The following GABBR2 variants were observed in gnomAD, a reference collection of about 807,000 sequenced individuals.
The protein encoded by GABBR2 is G-protein coupled receptor 51.
In GABBR2, 23 loss-of-function variants were observed where a neutral mutation model predicts 105.6. That is an observed-to-expected ratio of 0.22 (90% CI 0.16 to 0.31). The LOEUF is 0.31. Ranked by LOEUF, GABBR2 falls within the 10% of genes least tolerant of loss-of-function variation. The pLI is 1.00. For missense variants in GABBR2, 734 were observed against 1,245.5 expected, an observed-to-expected ratio of 0.59 and a Z score of 6.18; for synonymous variants, 478 against 499.7, an observed-to-expected ratio of 0.96 and a Z score of 0.58.
intron 12 of GABBR2, among the ~76,000 whole-genome samples, chr9:98,367,178 C>T (rs10818825): frequency 0.37 from 54,352 of 146,966 alleles, 11,787 homozygotes; most frequent in African/African-American, 0.63. Flanking sequence ...GGAGGGCAAG[C>T]CATCATGGAT....
intron 13 of GABBR2, among the ~76,000 whole-genome samples, chr9:98,333,173 CCTT>C (rs1255953502): frequency 1.3e-5 from 2 of 152,114 alleles, no homozygotes; most frequent in Non-Finnish European, 2.9e-5. Flanking sequence ...TGAGGGCTAA[CCTT>C]CATCAAGTGC....
At position 98,546,819 on chromosome 9, in the gene GABBR2, C is replaced by T. The variant is rs1316500425; in HGVS notation, c.460-4776G>A. On this transcript the variant is annotated intron_variant, in intron 2 of 18. Transcript: ENST00000259455. The stretch of plus-strand genomic sequence containing the variant: ...CCCTTTTTTTGTTTCCTTTTGTTCC[C>T]GCTGGTTTTCAACTTTGTATCTATT... 5.2e-5 allele frequency among the ~76,000 whole-genome samples: 3 copies of T among 57,514 alleles called. 1 individual carries two copies. The highest frequency in any genetic ancestry group is 9.2e-5 in the Non-Finnish European group (2 of 21,836). The allele number at this position is 57,514 out of a possible 152,430, so 37.7% of individuals were successfully genotyped here.
chr9:98,573,947 T>C (rs1232095863), intron 2 of GABBR2, among the ~76,000 whole-genome samples: 2 of 152,168 alleles, frequency 1.3e-5, no homozygotes, highest in Non-Finnish European at 1.5e-5. Flanking sequence ...TCACCCCCTA[T>C]TGGGAATGCA....
intron 11 of GABBR2, 122 bp from the exon 12 acceptor site, chr9:98,371,693 T>C: frequency 1.6e-6 from 1 of 626,564 alleles, no homozygotes; most frequent in Non-Finnish European, 2.9e-6. Context: ...CTGCATATAG[T>C]TGAGTTTCAT....
intron 1 of GABBR2, among the ~76,000 whole-genome samples, chr9:98,592,410 A>T (rs1344493569): frequency 6.6e-6 from 1 of 152,212 alleles, no homozygotes; most frequent in Non-Finnish European, 1.5e-5. Context: ...CTTTTTACGC[A>T]TTAGCCCACT....
chr9:98,629,579 CCTT>C (rs1332229573), intron 1 of GABBR2, among the ~76,000 whole-genome samples: 1 of 152,218 alleles, frequency 6.6e-6, no homozygotes, highest in Non-Finnish European at 1.5e-5. Context: ...GCATTCAACT[CCTT>C]CTTACATTTT....
At chr9:98,381,920 C>T (rs752961275) in intron 11 of GABBR2, among the ~76,000 whole-genome samples, 5 of 152,112 alleles carry the variant, frequency 3.3e-5, no homozygotes, top group Non-Finnish European at 7.4e-5. Context: ...GGGGGATGTC[C>T]CTGTTTTTGC....
intron 1 of GABBR2, among the ~76,000 whole-genome samples, chr9:98,642,982 C>A (rs1185369303): frequency 6.6e-6 from 1 of 152,216 alleles, no homozygotes. Context: ...CATAAGCATT[C>A]TTCCAGGCTG....
intron 1 of GABBR2, among the ~76,000 whole-genome samples, chr9:98,606,617 A>AGGC (rs1829426190): frequency 6.6e-6 from 1 of 150,830 alleles, no homozygotes; most frequent in African/African-American, 2.4e-5. Flanking sequence ...AGTAGCTGGG[A>AGGC]TTACAGGCAT....
chr9:98,630,368 G>A (rs1829800183), intron 1 of GABBR2, among the ~76,000 whole-genome samples: 1 of 152,188 alleles, frequency 6.6e-6, no homozygotes, highest in Non-Finnish European at 1.5e-5. Context: ...TTGGCAGGGA[G>A]GTGGTGTTAT....
intron 7 of GABBR2, among the ~76,000 whole-genome samples, chr9:98,436,893 G>A (rs1825936451): frequency 6.6e-6 from 1 of 152,098 alleles, no homozygotes; most frequent in Non-Finnish European, 1.5e-5. Flanking sequence ...GGCTAAATCT[G>A]CTAATAACAG....
chr9:98,309,523 T>G (rs1830604417), intron 14 of GABBR2, among the ~76,000 whole-genome samples: 1 of 152,242 alleles, frequency 6.6e-6, no homozygotes, highest in South Asian at 2.1e-4. Flanking sequence ...TGGACAGGGC[T>G]GCCTGTTACA....
chr9:98,596,234 G>A (rs1021251065), intron 1 of GABBR2, among the ~76,000 whole-genome samples: 2 of 152,244 alleles, frequency 1.3e-5, no homozygotes, highest in African/African-American at 4.8e-5. Context: ...TGCTGTTATG[G>A]TGAAGGTCAG....
chr9:98,476,201 G>A (rs1299108053), intron 5 of GABBR2, among the ~76,000 whole-genome samples: 1 of 152,212 alleles, frequency 6.6e-6, no homozygotes, highest in Non-Finnish European at 1.5e-5. Flanking sequence ...CACTGAGCAG[G>A]AAGTTCAGAG....
chr9:98,561,308 G>A (rs148345420), intron 2 of GABBR2, among the ~76,000 whole-genome samples: 68 of 150,660 alleles, frequency 4.5e-4, no homozygotes, highest in East Asian at 1.6e-3. Flanking sequence ...AAAAAAAACC[G>A]TGAAGGAATG....
rs556692765 is a variant in GABBR2, at chr9:98,672,833, C to T, written c.321+35584G>A. Among the ~76,000 whole-genome samples the T allele has an allele frequency of 3.9e-5, 6 of 152,298 alleles. No homozygotes were observed. The East Asian group carries it at 7.7e-4, about 20-fold the overall frequency. ...TCCTTCATGACACAAAAGTTGGTCACGGCCACCTCCCTTAACTCTGAAAAT... is the reference window on the plus strand; with the variant it reads ...TCCTTCATGACACAAAAGTTGGTCATGGCCACCTCCCTTAACTCTGAAAAT... On this transcript the variant is annotated intron_variant, in intron 1 of 18. Transcript: ENST00000259455.
chr9:98,366,136 T>C (rs896196557), intron 12 of GABBR2, among the ~76,000 whole-genome samples: 2 of 152,222 alleles, frequency 1.3e-5, no homozygotes, highest in Non-Finnish European at 2.9e-5. Context: ...ACCAGTTTCC[T>C]CATCTAGAAC....
At chr9:98,544,829 G>A (rs1828370584) in intron 2 of GABBR2, among the ~76,000 whole-genome samples, 1 of 152,140 alleles carries the variant, frequency 6.6e-6, no homozygotes, top group African/African-American at 2.4e-5. Flanking sequence ...CCAAATCAAG[G>A]TCTGCACACC....
At chr9:98,364,501 A>T (rs1447725460) in intron 12 of GABBR2, among the ~76,000 whole-genome samples, 3 of 152,134 alleles carry the variant, frequency 2.0e-5, no homozygotes, top group African/African-American at 7.2e-5. Context: ...CAAGGGGCAT[A>T]GATGGCTTTA....
Sources: gnomAD v4.1 joint callset for allele counts (sites outside exome capture counted in the v4.1 genomes callset) on GRCh38, gnomAD v4.1.1 for gene constraint, MANE v1.5 for transcripts, NCBI Gene and HGNC (gene_info 2026-07-23, HGNC 2026-07-21) for gene names.